SI: variants seen among roughly 807,000 people sequenced by gnomAD.
SI encodes sucrase-isomaltase.
In SI, 235 loss-of-function variants were observed where a neutral mutation model predicts 253.3. The observed-to-expected ratio is 0.93, with a 90% CI of 0.83 to 1.03. The LOEUF is 1.03. Ranked by LOEUF, SI falls within the 50% of genes least tolerant of loss-of-function variation. The probability of loss-of-function intolerance (pLI) is 0.00; values close to 1 mark genes in which losing one functional copy is unlikely to be tolerated. For missense variants in SI, 2,442 were observed against 2,211.1 expected, an observed-to-expected ratio of 1.10 and a Z score of -2.09; for synonymous variants, 819 against 712.0, an observed-to-expected ratio of 1.15 and a Z score of -2.39.
chr3:165,041,642 C>T (rs1458165152), intron 17 of SI, among the ~76,000 whole-genome samples: 1 of 152,070 alleles, frequency 6.6e-6, no homozygotes, highest in East Asian at 1.9e-4. Context: ...AACAGAGCTA[C>T]CTGGACAGCC....
At chr3:165,032,200 G>C (rs77645164) in intron 24 of SI, among the ~76,000 whole-genome samples, 2 of 151,052 alleles carry the variant, frequency 1.3e-5, no homozygotes, top group Non-Finnish European at 3.0e-5. Context: ...GCGTGCAATA[G>C]GTAGGTTAGA....
intron 2 of SI, 26 bp downstream of exon 2, chr3:165,075,869 A>G (rs1480237327): frequency 1.5e-6 from 2 of 1,295,696 alleles, no homozygotes; most frequent in Non-Finnish European, 2.2e-6. Flanking sequence ...ACGATAATGT[A>G]GCCATGCTTT....
Position 164,998,523 on chromosome 3 carries a change from T to C in SI, c.4540+17A>G, listed in dbSNP as rs1374026577. The C allele has an allele frequency of 4.3e-6, 7 of 1,610,894 alleles. No individual in the cohort carries two copies. The East Asian group carries it at 8.9e-5, about 21-fold the overall frequency. ...AGAAAACACAAAATAATAATAAAGA[T>C]GGTGACTTTCACTTACCAATGATTG... On this transcript the variant is annotated intron_variant, in intron 38 of 47. Coordinates refer to ENST00000264382, the MANE Select transcript of SI (RefSeq NM_001041.4).
intron 44 of SI, among the ~76,000 whole-genome samples, chr3:164,988,636 T>A (rs1401960478): frequency 6.6e-6 from 1 of 152,142 alleles, no homozygotes; most frequent in African/African-American, 2.4e-5. Flanking sequence ...ATTCTGTTCA[T>A]GCCAACAGGG....
chr3:165,089,566 G>A, the SI span, among the ~76,000 whole-genome samples: 241 of 152,248 alleles, frequency 1.6e-3, no homozygotes, highest in African/African-American at 5.4e-3. Flanking sequence ...CCTGGGAGAT[G>A]AGGTTAGCGA....
intron 13 of SI, among the ~76,000 whole-genome samples, 194 bp downstream of exon 13, chr3:165,054,999 AT>A (rs1450778653): frequency 6.6e-6 from 1 of 152,072 alleles, no homozygotes; most frequent in Non-Finnish European, 1.5e-5. Flanking sequence ...CTTGATTGGC[AT>A]TTTTTGTTTT....
Position 164,983,060 on chromosome 3 carries a change from A to G in SI, c.5198-9T>C, listed in dbSNP as rs1403297104. 6.5e-7 allele frequency: 1 copy of G among 1,542,166 alleles called. No individual in the cohort carries two copies. Among genetic ancestry groups the G allele is most frequent in the Admixed American group, 1.7e-5 (1 of 58,046 alleles). ...GTCTCTTTCATAGGTGTCTGTAGAG[A>G]GAGAAAAAAAATGTGATATATTGTT... On this transcript the variant is annotated splice_polypyrimidine_tract_variant and intron_variant, in intron 45 of 47. Coordinates refer to ENST00000264382, the MANE Select transcript of SI (RefSeq NM_001041.4).
At chr3:165,024,604 C>T (rs1364820258) in intron 25 of SI, among the ~76,000 whole-genome samples, 1 of 151,284 alleles carries the variant, frequency 6.6e-6, no homozygotes, top group Non-Finnish European at 1.5e-5. Context: ...ACAATTTCAT[C>T]TGTGTACCCT....
intron 22 of SI, 42 bp from the exon 23 acceptor site, chr3:165,033,486 A>G (rs559137472): frequency 7.6e-5 from 110 of 1,443,598 alleles, no homozygotes; most frequent in Non-Finnish European, 1.0e-4. Context: ...ATGCAATGTT[A>G]AATTCTCTGC....
chr3:164,988,991 T>C (rs1046093790), intron 44 of SI, among the ~76,000 whole-genome samples: 5 of 151,948 alleles, frequency 3.3e-5, no homozygotes, highest in African/African-American at 1.2e-4. Flanking sequence ...CATTAAATGA[T>C]GAGCTAATGG....
At chr3:164,998,078 GT>G (rs1327559780) in intron 38 of SI, among the ~76,000 whole-genome samples, 1 of 151,720 alleles carries the variant, frequency 6.6e-6, no homozygotes, top group Non-Finnish European at 1.5e-5. Flanking sequence ...TGGTCATTCT[GT>G]TTTTAGCTGT....
intron 25 of SI, 129 bp from the exon 26 acceptor site, chr3:165,023,905 C>G: frequency 2.8e-6 from 2 of 714,798 alleles, no homozygotes; most frequent in Non-Finnish European, 5.0e-6. Context: ...AATGAAATAA[C>G]AGTTATAACA....
chr3:164,986,848 T>G (rs1717463245), intron 45 of SI, among the ~76,000 whole-genome samples: 1 of 152,212 alleles, frequency 6.6e-6, no homozygotes, highest in African/African-American at 2.4e-5. Context: ...AATAGCACTG[T>G]GCTAGCTTCT....
At position 164,991,386 on chromosome 3, in the gene SI, G is replaced by A. The variant is rs764200325; in HGVS notation, c.5075C>T (p.Pro1692Leu). 1 of 1,613,684 alleles carries A rather than the reference G, an allele frequency of 6.2e-7. No homozygotes were observed. Among genetic ancestry groups the A allele is most frequent in the Non-Finnish European group, 8.5e-7 (1 of 1,179,752 alleles). ...NLHVRGGHIL[P>L]CQEPAQNTFY... ...TGTGTTTTGAGCTGGCTCTTGACAT[G>A]GTAGGATGTGACCACCACGGACATG... is the stretch of plus-strand genomic sequence containing the variant. The change falls in exon 44 of 48, where the codon CCA (proline) becomes CTA (leucine). Residue 1692 changes from proline (P) to leucine (L), a missense_variant. Coordinates refer to ENST00000264382, the MANE Select transcript of SI (RefSeq NM_001041.4).
chr3:164,983,114 C>T, intron 45 of SI, 63 bp from the exon 46 acceptor site: 1 of 1,450,494 alleles, frequency 6.9e-7, no homozygotes, highest in South Asian at 1.2e-5. Flanking sequence ...TAGTAAATAC[C>T]TGTATACTTT....
intron 40 of SI, among the ~76,000 whole-genome samples, chr3:164,994,939 T>A (rs951738734): frequency 6.6e-6 from 1 of 151,750 alleles, no homozygotes; most frequent in Non-Finnish European, 1.5e-5. Flanking sequence ...TGCTCTGGAA[T>A]GCACACTCCA....
chr3:165,067,211 T>G, intron 6 of SI, 129 bp downstream of exon 6: 1 of 663,248 alleles, frequency 1.5e-6, no homozygotes, highest in East Asian at 2.8e-5. Context: ...TCACCGTAAT[T>G]TTTATAAACC....
rs530009542 is a variant in SI at position 165,065,319 on chromosome 3, C to T, written c.749G>A (p.Arg250His). Residue 250 changes from arginine to histidine, a missense_variant, in exon 7 of 48, where the codon CGT becomes CAT. By Grantham distance (29) the Arg-to-His change is conservative. Coordinates refer to ENST00000264382, the MANE Select transcript of SI (RefSeq NM_001041.4). ...CCATGTTTTCCAGGATAAATCATGA[C>T]GAAATCTCTTATGAACTTGTTCTCC... ...GIGEQVHKRFRHDLSWKTWPI... is the reference protein window; with the variant it reads ...GIGEQVHKRFHHDLSWKTWPI... 86 of 1,607,562 alleles carry T rather than the reference C, an allele frequency of 5.3e-5. No homozygotes were observed. The highest frequency in any genetic ancestry group is 2.4e-4 in the South Asian group (22 of 90,794).
chr3:165,021,948 G>T (rs563801244), intron 26 of SI, among the ~76,000 whole-genome samples: 1 of 151,540 alleles, frequency 6.6e-6, no homozygotes, highest in South Asian at 2.1e-4. Context: ...TAAATTAAAA[G>T]CATTTATTTT....
Sources: allele counts gnomAD v4.1 joint callset (sites outside exome capture counted in the v4.1 genomes callset), GRCh38; gene constraint gnomAD v4.1.1; transcripts MANE v1.5; gene names NCBI Gene and HGNC (gene_info 2026-07-23, HGNC 2026-07-21).